Variants in TLN2 observed in about 807,000 individuals in gnomAD.
TLN2 encodes talin 2.
Under a neutral mutation model 294.7 loss-of-function variants are expected in TLN2, and 118 were observed. The ratio of observed to expected loss-of-function variants is 0.40; its 90% confidence interval spans 0.34 to 0.47. The LOEUF (loss-of-function observed/expected upper bound fraction) is 0.47, where lower values mean the gene tolerates loss of function less well. Among genes scored for constraint, TLN2 ranks in the 20% least tolerant of loss-of-function variants. The pLI is 0.84. For synonymous variants in TLN2, 1,431 were observed against 1,304.5 expected, an observed-to-expected ratio of 1.10 and a Z score of -2.09; for missense variants, 3,083 against 3,282.2, an observed-to-expected ratio of 0.94 and a Z score of 1.48.
chr15:62,808,018 G>A (rs2066414355), intron 51 of TLN2, among the ~76,000 whole-genome samples: 1 of 152,170 alleles, frequency 6.6e-6, no homozygotes, highest in Non-Finnish European at 1.5e-5. Context: ...CAAGACGGAA[G>A]CCTTAAATGC....
Position 62,838,839 on chromosome 15 carries a change from T to G in TLN2, c.7375-17T>G. The G allele has an allele frequency of 6.2e-7, 1 of 1,608,060 alleles. No individual in the cohort carries two copies. Among genetic ancestry groups the G allele is most frequent in the African/African-American group, 1.4e-5 (1 of 70,398 alleles). ...GCTGTTTCTAATGATATAATGTATG[T>G]TTTGTTCACTCTCCAGGCGGCAGGA... On this transcript the variant is annotated splice_polypyrimidine_tract_variant and intron_variant, in intron 57 of 58. Transcript: ENST00000636159.
At position 62,792,751 on chromosome 15, in the gene TLN2, G is replaced by A. The variant is rs746606382; in HGVS notation, c.5847G>A (p.Arg1949=). The change falls in exon 46 of 59, where the codon AGG becomes AGA. Residue 1949 remains arginine, a synonymous_variant. Transcript: ENST00000636159. ...GCCCCACAGACAGCTACACCAAGAGGGAGCTGATCGAATGCGCCCGTGCCG... is the reference window on the plus strand; with the variant it reads ...GCCCCACAGACAGCTACACCAAGAGAGAGCTGATCGAATGCGCCCGTGCCG... The part of the protein sequence containing the change: ...QVCPTDSYTK[R]ELIECARAVT... 5 of 1,614,078 alleles carry A rather than the reference G, an allele frequency of 3.1e-6. No individual in the cohort carries two copies. The South Asian group carries it at 5.5e-5, about 18-fold the overall frequency.
At chr15:62,620,932 G>A (rs372393355) in intron 3 of TLN2, among the ~76,000 whole-genome samples, 1 of 148,706 alleles carries the variant, frequency 6.7e-6, no homozygotes, top group Non-Finnish European at 1.5e-5. Flanking sequence ...TCCACCTCCC[G>A]GGTTCACACT....
At chr15:62,546,360 G>A (rs1216217115) in intron 1 of TLN2, among the ~76,000 whole-genome samples, 1 of 152,220 alleles carries the variant, frequency 6.6e-6, no homozygotes, top group Non-Finnish European at 1.5e-5. Context: ...AGTGCTGATA[G>A]AGATATTGTG....
intron 1 of TLN2, among the ~76,000 whole-genome samples, chr15:62,482,895 C>G (rs565934522): frequency 6.6e-6 from 1 of 152,296 alleles, no homozygotes; most frequent in Non-Finnish European, 1.5e-5. Flanking sequence ...GAGGGCTTCT[C>G]TTTCTGCATC....
At chr15:62,700,833 C>T (rs547033958) in intron 16 of TLN2, among the ~76,000 whole-genome samples, 64 of 152,246 alleles carry the variant, frequency 4.2e-4, no homozygotes, top group Non-Finnish European at 7.4e-4. Flanking sequence ...AATAAGGCCA[C>T]GTGGAATTTT....
At position 62,770,957 on chromosome 15, in the gene TLN2, T is replaced by G. The variant is rs758959816; in HGVS notation, c.5197-7T>G. The G allele has an allele frequency of 8.3e-6, 13 of 1,569,478 alleles. No homozygotes were observed. In the South Asian group the frequency reaches 1.6e-4, roughly 19 times the overall value. On this transcript the variant is annotated splice_region_variant and splice_polypyrimidine_tract_variant and intron_variant, in intron 41 of 58. Coordinates refer to ENST00000636159, the MANE Select transcript of TLN2 (RefSeq NM_015059.3). ...ACATCTCTGGCTTTTTTTTTTTTTTTTGAAAGGTGACACAACTGGCAAGCT... is the reference window on the plus strand; with the variant it reads ...ACATCTCTGGCTTTTTTTTTTTTTTGTGAAAGGTGACACAACTGGCAAGCT...
chr15:62,529,768 A>G (rs1206181453), intron 1 of TLN2, among the ~76,000 whole-genome samples: 2 of 152,242 alleles, frequency 1.3e-5, no homozygotes, highest in Non-Finnish European at 2.9e-5. Context: ...AAATCTTTGC[A>G]CATAAGTAAA....
At chr15:62,743,918 G>T (rs1436599694) in intron 32 of TLN2, among the ~76,000 whole-genome samples, 1 of 152,146 alleles carries the variant, frequency 6.6e-6, no homozygotes. Flanking sequence ...TGCCCCCCTG[G>T]CTCCCCTTTG....
chr15:62,554,674 A>C (rs2042510846), intron 1 of TLN2, among the ~76,000 whole-genome samples: 1 of 152,122 alleles, frequency 6.6e-6, no homozygotes, highest in Admixed American at 6.5e-5. Context: ...CAAACGGAAA[A>C]AGCTGGATAA....
intron 28 of TLN2, among the ~76,000 whole-genome samples, chr15:62,736,332 C>A (rs1478215596): frequency 4.1e-5 from 6 of 146,146 alleles, no homozygotes; most frequent in African/African-American, 1.5e-4. Context: ...AAAAAAAAAA[C>A]AGTAAAAGTA....
At chr15:62,808,227 C>G (rs2066429362) in intron 51 of TLN2, among the ~76,000 whole-genome samples, 3 of 152,182 alleles carry the variant, frequency 2.0e-5, no homozygotes, top group Non-Finnish European at 2.9e-5. Flanking sequence ...GTCTTACTTT[C>G]ATTTGCACAT....
chr15:62,702,719 G>A, intron 18 of TLN2, 47 bp from the exon 19 acceptor site: 3 of 1,570,852 alleles, frequency 1.9e-6, no homozygotes, highest in East Asian at 2.2e-5. Flanking sequence ...GATGGCACTG[G>A]AGGAAATGCG....
intron 3 of TLN2, among the ~76,000 whole-genome samples, chr15:62,639,682 C>T (rs2050782697): frequency 6.6e-6 from 1 of 152,208 alleles, no homozygotes; most frequent in African/African-American, 2.4e-5. Flanking sequence ...GCTGCTTTTC[C>T]TGAGCTTACT....
At chr15:62,664,751 G>A (rs1011709876) in intron 9 of TLN2, among the ~76,000 whole-genome samples, 2 of 149,224 alleles carry the variant, frequency 1.3e-5, no homozygotes, top group African/African-American at 2.5e-5. Flanking sequence ...CCAGCTACTC[G>A]GGAGGCTGAG....
At chr15:62,520,548 T>C (rs978434323) in intron 1 of TLN2, among the ~76,000 whole-genome samples, 1 of 152,224 alleles carries the variant, frequency 6.6e-6, no homozygotes, top group African/African-American at 2.4e-5. Context: ...GAATTGTGAA[T>C]AGGTTTTGTT....
At chr15:62,803,712 G>A (rs966489418) in intron 50 of TLN2, among the ~76,000 whole-genome samples, 2 of 152,020 alleles carry the variant, frequency 1.3e-5, no homozygotes, top group African/African-American at 4.8e-5. Context: ...TTCCCTCTTT[G>A]TGTTATCTTG....
chr15:62,542,547 G>A (rs916782196), intron 1 of TLN2, among the ~76,000 whole-genome samples: 11 of 152,132 alleles, frequency 7.2e-5, no homozygotes, highest in African/African-American at 2.7e-4. Context: ...CAGATAACGG[G>A]AAAATACTGT....
chr15:62,633,622 C>G (rs150739928), intron 3 of TLN2, among the ~76,000 whole-genome samples: 1 of 152,160 alleles, frequency 6.6e-6, no homozygotes, highest in Non-Finnish European at 1.5e-5. Context: ...TATTCACACA[C>G]GTTTATAATT....
Sources: gnomAD v4.1 joint callset for allele counts (sites outside exome capture counted in the v4.1 genomes callset) on GRCh38, gnomAD v4.1.1 for gene constraint, MANE v1.5 for transcripts, NCBI Gene and HGNC (gene_info 2026-07-23, HGNC 2026-07-21) for gene names.